SND1: variants seen among roughly 807,000 people sequenced by gnomAD.
SND1 encodes staphylococcal nuclease domain-containing protein 1.
A neutral mutation model predicts 121.7 loss-of-function variants in SND1; 38 were observed. That is an observed-to-expected ratio of 0.31 (90% CI 0.24 to 0.41). The LOEUF is 0.41. SND1 is among the 10% of genes least tolerant of loss of function. The probability of loss-of-function intolerance (pLI) is 1.00; values close to 1 mark genes in which losing one functional copy is unlikely to be tolerated. For missense variants in SND1, 868 were observed against 1,184.6 expected, an observed-to-expected ratio of 0.73 and a Z score of 3.92; for synonymous variants, 401 against 447.4, an observed-to-expected ratio of 0.90 and a Z score of 1.31.
At position 128,085,893 on chromosome 7, in the gene SND1, T is replaced by C. The variant is rs939432336; in HGVS notation, c.2304+113T>C. On this transcript the variant is annotated intron_variant, in intron 20 of 23. Transcript: ENST00000354725. The surrounding 1 kb of genome is among the most constrained non-coding windows in gnomAD (Gnocchi z 4.4). Reference sequence around the variant, plus strand: ...GAGCTTACCAATAGAACAATGAGCATTGGGGCATCTCTGCTGTGCGTGTAA... The same window carrying C: ...GAGCTTACCAATAGAACAATGAGCACTGGGGCATCTCTGCTGTGCGTGTAA... The C allele has an allele frequency of 5.0e-5, 46 of 914,218 alleles. No individual in the cohort carries two copies. The Admixed American group carries it at 5.6e-4, about 11-fold the overall frequency. 56.6% of individuals were successfully genotyped at this position (914,218 alleles called of 1,614,324 possible). A position where few individuals can be genotyped will look rare whatever the true frequency, so the allele number is the denominator to read the frequency against.
intron 15 of SND1, among the ~76,000 whole-genome samples, chr7:127,954,820 A>G (rs560645204): frequency 1.0e-3 from 154 of 152,248 alleles, no homozygotes; most frequent in African/African-American, 3.4e-3. Flanking sequence ...AGAGCAGGTG[A>G]TGGGAGGTGG....
intron 16 of SND1, among the ~76,000 whole-genome samples, chr7:128,012,981 T>C (rs1310162648): frequency 6.6e-6 from 1 of 152,142 alleles, no homozygotes; most frequent in Non-Finnish European, 1.5e-5. Flanking sequence ...GACAGCCCTT[T>C]CCGCCAGTGC....
intron 9 of SND1, 85 bp downstream of exon 9, chr7:127,707,732 G>T: frequency 8.4e-7 from 1 of 1,190,484 alleles, no homozygotes. Flanking sequence ...TAGAAATGCT[G>T]AAGCTCTTGA....
chr7:128,086,908 T>G, intron 20 of SND1, 30 bp from the exon 21 acceptor site: 63 of 1,554,860 alleles, frequency 4.1e-5, no homozygotes, highest in Middle Eastern at 1.8e-4. Flanking sequence ...AGCGAGTATG[T>G]GACATGTTGG....
At chr7:127,896,544 G>A (rs1027451897) in intron 13 of SND1, among the ~76,000 whole-genome samples, 1 of 152,116 alleles carries the variant, frequency 6.6e-6, no homozygotes, top group African/African-American at 2.4e-5. Context: ...TAAAATTTGA[G>A]AAGCACTGCC....
chr7:128,000,901 C>T (rs752334847), intron 16 of SND1, among the ~76,000 whole-genome samples: 3 of 152,154 alleles, frequency 2.0e-5, no homozygotes, highest in Non-Finnish European at 4.4e-5. Context: ...GTAATACTAA[C>T]GTTGTGGTGT....
At chr7:127,903,572 G>A (rs1272265305) in intron 13 of SND1, among the ~76,000 whole-genome samples, 1 of 152,122 alleles carries the variant, frequency 6.6e-6, no homozygotes, top group Non-Finnish European at 1.5e-5. Flanking sequence ...ACATCCCCTG[G>A]GATGAAGCAA....
chr7:127,760,182 T>A (rs1797277672), intron 10 of SND1, among the ~76,000 whole-genome samples: 2 of 152,230 alleles, frequency 1.3e-5, no homozygotes, highest in African/African-American at 2.4e-5. Flanking sequence ...TGCACTTCTT[T>A]GACTTATTTC....
At chr7:127,997,722 A>C (rs1391620260) in intron 16 of SND1, 1 of 533,730 alleles carries the variant, frequency 1.9e-6, no homozygotes, top group Non-Finnish European at 3.9e-6. Context: ...TCACTTCGTA[A>C]TTCGTGCCTT....
chr7:127,929,871 G>C (rs1261513753), intron 15 of SND1, among the ~76,000 whole-genome samples: 1 of 152,186 alleles, frequency 6.6e-6, no homozygotes, highest in East Asian at 1.9e-4. Context: ...GTTGTGCTAA[G>C]GTTGACGTGC....
At chr7:127,900,808 T>A (rs1271352237) in intron 13 of SND1, among the ~76,000 whole-genome samples, 2 of 152,224 alleles carry the variant, frequency 1.3e-5, no homozygotes, top group Non-Finnish European at 2.9e-5. Flanking sequence ...TGTCAGTTAT[T>A]GACACTGGTA....
chr7:128,010,504 C>T (rs1319797914), intron 16 of SND1, among the ~76,000 whole-genome samples: 2 of 152,220 alleles, frequency 1.3e-5, no homozygotes, highest in African/African-American at 4.8e-5. Flanking sequence ...TTTAAAGCAG[C>T]CCTTTCCTGA....
intron 12 of SND1, among the ~76,000 whole-genome samples, chr7:127,873,397 T>C (rs74563619): frequency 1.7e-3 from 253 of 152,170 alleles, no homozygotes; most frequent in East Asian, 0.01. Flanking sequence ...GACTCCGTAA[T>C]TGGAGTGGGA....
chr7:127,903,897 A>G (rs1028752450), intron 13 of SND1, among the ~76,000 whole-genome samples: 1 of 152,208 alleles, frequency 6.6e-6, no homozygotes, highest in Non-Finnish European at 1.5e-5. Flanking sequence ...TTGTGGGAAC[A>G]TCCCCTAATC....
chr7:128,066,275 GC>G, intron 16 of SND1, among the ~76,000 whole-genome samples: 1 of 152,346 alleles, frequency 6.6e-6, no homozygotes, highest in South Asian at 2.1e-4. Context: ...CTCACCCACA[GC>G]ACAGGCCTTT....
Position 128,084,775 on chromosome 7 carries a change from A to AC in SND1, c.2168dup (p.Val724CysfsTer42), listed in dbSNP as rs1262090180. The AC allele has an allele frequency of 1.2e-6, 2 of 1,610,152 alleles. No individual in the cohort carries two copies. Among genetic ancestry groups the AC allele is most frequent in the Non-Finnish European group, 8.5e-7 (1 of 1,177,582 alleles). The stretch of plus-strand genomic sequence containing the variant: ...AACATGCGCAATGACATTGCCAGTC[A>AC]CCCCCCTGTAGAGGGCTCCTATGCC... On this transcript the variant is annotated frameshift_variant, in exon 19 of 24. Coordinates refer to ENST00000354725, the MANE Select transcript of SND1 (RefSeq NM_014390.4). LOFTEE classifies it high-confidence loss of function.
chr7:127,698,311 C>G (rs1174753368), intron 3 of SND1, among the ~76,000 whole-genome samples: 1 of 152,116 alleles, frequency 6.6e-6, no homozygotes, highest in Non-Finnish European at 1.5e-5. Flanking sequence ...TAAATGAATC[C>G]GTCTCTCTGA....
At chr7:128,039,091 T>C (rs1206413062) in intron 16 of SND1, among the ~76,000 whole-genome samples, 1 of 152,214 alleles carries the variant, frequency 6.6e-6, no homozygotes, top group Non-Finnish European at 1.5e-5. Context: ...TGAATTTCTT[T>C]TCCTGGAATA....
chr7:127,923,064 C>T (rs376386302), intron 14 of SND1, among the ~76,000 whole-genome samples: 5 of 152,252 alleles, frequency 3.3e-5, no homozygotes, highest in Admixed American at 1.3e-4. Flanking sequence ...TTATAGCTCT[C>T]GGCAGCCTCA....
Sources: gnomAD v4.1 joint callset for allele counts (sites outside exome capture counted in the v4.1 genomes callset) on GRCh38, gnomAD v4.1.1 for gene constraint, Gnocchi (gnomAD v3.1) non-coding constraint, MANE v1.5 for transcripts, NCBI Gene and HGNC (gene_info 2026-07-23, HGNC 2026-07-21) for gene names.